Variants in DOCK1 observed in about 807,000 individuals in gnomAD.
DOCK1 encodes dedicator of cytokinesis 1.
In DOCK1, 138 loss-of-function variants were observed where a neutral mutation model predicts 262.7. The ratio of observed to expected loss-of-function variants is 0.53; its 90% confidence interval spans 0.46 to 0.61. The LOEUF is 0.61. Among genes scored for constraint, DOCK1 ranks in the 20% least tolerant of loss-of-function variants. The pLI, the probability that DOCK1 is intolerant of heterozygous loss-of-function variation, is 0.00. For synonymous variants in DOCK1, 866 were observed against 867.4 expected (o/e 1.00, Z 0.03); for missense variants, 1,908 against 2,370.7 (o/e 0.80, Z 4.05).
chr10:126,920,573 A>G (rs981890538), intron 1 of DOCK1, among the ~76,000 whole-genome samples: 1 of 152,252 alleles, frequency 6.6e-6, no homozygotes, highest in African/African-American at 2.4e-5. Flanking sequence ...TATATATGCT[A>G]AAGTACTTTG....
chr10:126,946,597 TTCTAA>T (rs2035426302), intron 1 of DOCK1, among the ~76,000 whole-genome samples: 1 of 152,244 alleles, frequency 6.6e-6, no homozygotes, highest in East Asian at 1.9e-4. Flanking sequence ...CTCCGTTAAC[TTCTAA>T]TCTATTATAT....
intron 25 of DOCK1, 38 bp from the exon 26 acceptor site, chr10:127,125,436 G>A (rs752065891): frequency 1.2e-5 from 20 of 1,607,792 alleles, no homozygotes; most frequent in Middle Eastern, 2.2e-4. Flanking sequence ...GCGTCTTGGT[G>A]GGTTTCACAC....
intron 38 of DOCK1, among the ~76,000 whole-genome samples, chr10:127,387,314 G>A (rs886912596): frequency 3.9e-5 from 6 of 152,212 alleles, no homozygotes; most frequent in Non-Finnish European, 8.8e-5. Context: ...CCTTGAGGAC[G>A]TTGCTTGAGT....
rs1322366137 is a variant in DOCK1, at chr10:127,100,882, C to T, written c.2446-5349C>T. Among the ~76,000 whole-genome samples the T allele has an allele frequency of 1.3e-5, 2 of 152,036 alleles. No homozygotes were observed. The highest frequency in any genetic ancestry group is 2.4e-5 in the African/African-American group (1 of 41,406). ...GGGTCGTGTGGGAAGTGGACGCAGGCCTTGCCCACACTGTGGGGTATTGTC... is the reference window on the plus strand; with the variant it reads ...GGGTCGTGTGGGAAGTGGACGCAGGTCTTGCCCACACTGTGGGGTATTGTC... On this transcript the variant is annotated intron_variant, in intron 23 of 51. Transcript: ENST00000623213. The surrounding 1 kb of genome is among the most constrained non-coding windows in gnomAD (Gnocchi z 5.5).
intron 33 of DOCK1, among the ~76,000 whole-genome samples, chr10:127,372,226 C>G (rs1312168046): frequency 6.6e-6 from 1 of 152,144 alleles, no homozygotes; most frequent in Admixed American, 6.6e-5. Context: ...GTGTACTGAT[C>G]GAGGACAGGC....
At chr10:127,286,942 C>T (rs968082665) in intron 29 of DOCK1, among the ~76,000 whole-genome samples, 1 of 150,754 alleles carries the variant, frequency 6.6e-6, no homozygotes, top group African/African-American at 2.4e-5. Flanking sequence ...GTGGCACAAT[C>T]TCGGCTCACT....
At chr10:127,407,143 G>A (rs1051416329) in intron 40 of DOCK1, among the ~76,000 whole-genome samples, 4 of 152,114 alleles carry the variant, frequency 2.6e-5, no homozygotes, top group Middle Eastern at 3.4e-3. Context: ...TTTTTTTAGC[G>A]ATTTAGGAGA....
At chr10:126,925,724 CTGTGTGTGTG>C (rs71032531) in intron 1 of DOCK1, among the ~76,000 whole-genome samples, 1,473 of 141,284 alleles carry the variant, frequency 0.01, 15 homozygotes, top group African/African-American at 0.026. Context: ...ATTGCAGAGT[CTGTGTGTGTG>C]TGTGTGTGTG....
chr10:126,950,525 A>G (rs1216328620), intron 1 of DOCK1, among the ~76,000 whole-genome samples: 5 of 152,092 alleles, frequency 3.3e-5, no homozygotes, highest in Non-Finnish European at 5.9e-5. Context: ...GACAGTGCCC[A>G]GAATTGTCAC....
In DOCK1 at chr10:127,100,045, G is replaced by A. The variant is rs2048144252; in HGVS notation, c.2446-6186G>A. ...AGAGTCCTGCAGGTACCAAGGGTGAGTCTGGGGTGGTGGGGCCAGAGCCCA... is the reference window on the plus strand; with the variant it reads ...AGAGTCCTGCAGGTACCAAGGGTGAATCTGGGGTGGTGGGGCCAGAGCCCA... On this transcript the variant is annotated intron_variant, in intron 23 of 51. Coordinates refer to ENST00000623213, the MANE Select transcript of DOCK1 (RefSeq NM_001290223.2). This position sits in a 1 kb window ranked among gnomAD's most constrained non-coding sequence, Gnocchi z 5.5. 6.6e-6 allele frequency among the ~76,000 whole-genome samples: 1 copy of A among 152,168 alleles called. No homozygotes were observed. Among genetic ancestry groups the A allele is most frequent in the African/African-American group, 2.4e-5 (1 of 41,454 alleles).
chr10:126,943,347 A>G (rs1482458015), intron 1 of DOCK1, among the ~76,000 whole-genome samples: 1 of 152,204 alleles, frequency 6.6e-6, no homozygotes, highest in Non-Finnish European at 1.5e-5. Flanking sequence ...AGGTCAAGAG[A>G]GTAGGTGCTG....
chr10:127,123,593 G>A (rs893588816), intron 25 of DOCK1, among the ~76,000 whole-genome samples: 3 of 152,216 alleles, frequency 2.0e-5, no homozygotes, highest in Non-Finnish European at 2.9e-5. Flanking sequence ...TGTAAACATC[G>A]AGGTTCTATA....
chr10:127,338,923 G>T, intron 29 of DOCK1, 83 bp from the exon 30 acceptor site: 1 of 1,192,328 alleles, frequency 8.4e-7, no homozygotes, highest in South Asian at 1.3e-5. Context: ...GACAGTCTGG[G>T]ATTGTATCTA....
At chr10:127,136,925 A>C (rs988969001) in intron 27 of DOCK1, 1 of 152,564 alleles carries the variant, frequency 6.6e-6, no homozygotes, top group African/African-American at 2.4e-5. Context: ...CCACAAAAAC[A>C]CTGTCTGCCA....
At chr10:127,266,772 A>G (rs979381403) in intron 29 of DOCK1, among the ~76,000 whole-genome samples, 4 of 152,184 alleles carry the variant, frequency 2.6e-5, no homozygotes, top group African/African-American at 9.6e-5. Context: ...AGTTCTCCAT[A>G]CCTGCATTTT....
rs2134786429 is a variant in DOCK1 at position 127,444,118 on chromosome 10, T to C, written c.5260-8T>C. ...CGTAACTGTGCTCTTTCTGTCCTTT[T>C]GATGTAGATAAGTCCCCTGCGGCCC... On this transcript the variant is annotated splice_polypyrimidine_tract_variant and splice_region_variant and intron_variant, in intron 49 of 51. Coordinates refer to ENST00000623213, the MANE Select transcript of DOCK1 (RefSeq NM_001290223.2). The C allele has an allele frequency of 6.4e-7, 1 of 1,554,298 alleles. No individual in the cohort carries two copies. The highest frequency in any genetic ancestry group is 8.7e-7 in the Non-Finnish European group (1 of 1,148,872).
chr10:126,925,338 C>T (rs2033606791), intron 1 of DOCK1, among the ~76,000 whole-genome samples: 1 of 152,210 alleles, frequency 6.6e-6, no homozygotes, highest in Admixed American at 6.5e-5. Context: ...TCCATCAGAT[C>T]TCTTGGTGTC....
intron 12 of DOCK1, among the ~76,000 whole-genome samples, chr10:127,018,295 C>T (rs570022441): frequency 2.0e-5 from 3 of 152,204 alleles, no homozygotes; most frequent in Non-Finnish European, 2.9e-5. Context: ...ACGAATTCAC[C>T]TCCAGAATCC....
intron 27 of DOCK1, among the ~76,000 whole-genome samples, chr10:127,166,864 A>G (rs187394239): frequency 2.0e-5 from 3 of 152,014 alleles, no homozygotes; most frequent in South Asian, 2.1e-4. Flanking sequence ...TTTATCTGCA[A>G]ATGGGCTGTC....
Sources: gnomAD v4.1 joint callset for allele counts (sites outside exome capture counted in the v4.1 genomes callset) on GRCh38, gnomAD v4.1.1 for gene constraint, Gnocchi (gnomAD v3.1) non-coding constraint, MANE v1.5 for transcripts, NCBI Gene and HGNC (gene_info 2026-07-23, HGNC 2026-07-21) for gene names.